TMEM132D: variants seen among roughly 807,000 people sequenced by gnomAD.
TMEM132D encodes transmembrane protein 132D.
Under a neutral mutation model 62.3 loss-of-function variants are expected in TMEM132D, and 21 were observed. The ratio of observed to expected loss-of-function variants is 0.34; its 90% confidence interval spans 0.24 to 0.49. The LOEUF (loss-of-function observed/expected upper bound fraction) is 0.49. Among genes scored for constraint, TMEM132D ranks in the 20% least tolerant of loss-of-function variants. The pLI is 0.99. For synonymous variants in TMEM132D, 621 were observed against 575.6 expected (o/e 1.08, Z -1.13); for missense variants, 1,346 against 1,402.8 (o/e 0.96, Z 0.65).
At chr12:129,321,549 A>G (rs1344114918) in intron 4 of TMEM132D, among the ~76,000 whole-genome samples, 1 of 151,820 alleles carries the variant, frequency 6.6e-6, no homozygotes, top group South Asian at 2.1e-4. Context: ...CCATGGCATG[A>G]GGCAGATCTT....
chr12:129,347,818 A>G (rs1168569966), intron 3 of TMEM132D, among the ~76,000 whole-genome samples: 1 of 152,220 alleles, frequency 6.6e-6, no homozygotes, highest in African/African-American at 2.4e-5. Context: ...CCATCTGACA[A>G]AGGTCTAATA....
chr12:129,509,006 C>T (rs575678143), intron 3 of TMEM132D, among the ~76,000 whole-genome samples: 5 of 152,090 alleles, frequency 3.3e-5, no homozygotes, highest in Admixed American at 2.6e-4. Context: ...ATCTGAAGAC[C>T]TGATCTGGCC....
chr12:129,354,967 C>T (rs1869993320), intron 3 of TMEM132D, among the ~76,000 whole-genome samples: 1 of 152,200 alleles, frequency 6.6e-6, no homozygotes, highest in African/African-American at 2.4e-5. Flanking sequence ...GCAGAGCTTA[C>T]CTGAGACCCA....
Position 129,073,744 on chromosome 12 carries a change from T to G in TMEM132D, c.*131A>C. 1.2e-6 allele frequency: 1 copy of G among 828,036 alleles called. No individual in the cohort carries two copies. The allele number at this position is 828,036 out of a possible 1,614,324, so 51.3% of individuals were successfully genotyped here. ...TCGCCGCCGAGCCGGGGTCATTGGC[T>G]GAGGCTGTATGGATAGTGTCATCCT... On this transcript the variant is annotated 3_prime_UTR_variant, in exon 9 of 9. Transcript: ENST00000422113.
intron 2 of TMEM132D, among the ~76,000 whole-genome samples, chr12:129,541,996 A>G (rs1876596391): frequency 6.6e-6 from 1 of 152,192 alleles, no homozygotes; most frequent in African/African-American, 2.4e-5. Context: ...AAAAGAAACA[A>G]AGCATAATCC....
intron 1 of TMEM132D, among the ~76,000 whole-genome samples, chr12:129,822,440 C>T (rs1192315057): frequency 2.0e-5 from 3 of 152,160 alleles, no homozygotes; most frequent in Admixed American, 2.0e-4. Context: ...AGGGTCCCTC[C>T]CCAGGGAGTC....
intron 3 of TMEM132D, among the ~76,000 whole-genome samples, chr12:129,479,551 C>G (rs1005787704): frequency 6.6e-6 from 1 of 152,130 alleles, no homozygotes; most frequent in African/African-American, 2.4e-5. Context: ...TGATAAAAAC[C>G]AATGCCTGTC....
chr12:129,580,054 C>G (rs1877798760), intron 2 of TMEM132D, among the ~76,000 whole-genome samples: 1 of 152,020 alleles, frequency 6.6e-6, no homozygotes, highest in South Asian at 2.1e-4. Flanking sequence ...GCTACTTGGC[C>G]CATGGTACTT....
intron 5 of TMEM132D, among the ~76,000 whole-genome samples, chr12:129,183,864 G>A (rs963068109): frequency 6.6e-6 from 1 of 152,072 alleles, no homozygotes; most frequent in African/African-American, 2.4e-5. Context: ...ATAGGGGCAT[G>A]GACGATTCTT....
intron 2 of TMEM132D, among the ~76,000 whole-genome samples, chr12:129,618,676 A>G (rs1878984180): frequency 6.6e-6 from 1 of 152,238 alleles, no homozygotes; most frequent in African/African-American, 2.4e-5. Context: ...TAAAATGCAC[A>G]TCTATGTACA....
At chr12:129,636,737 T>TGTGTGTGTGTGTGTGTGTGTGTGA (rs375868329) in intron 2 of TMEM132D, among the ~76,000 whole-genome samples, 2 of 113,560 alleles carry the variant, frequency 1.8e-5, no homozygotes, top group East Asian at 2.9e-4. Flanking sequence ...TGTGTGTGTG[T>TGTGTGTGTGTGTGTGTGTGTGTGA]GAGAGAGAGA....
In TMEM132D at chr12:129,249,078, C is replaced by T. The variant is rs536604331; in HGVS notation, c.1300-39415G>A. On this transcript the variant is annotated intron_variant, in intron 4 of 8. Coordinates refer to ENST00000422113, the MANE Select transcript of TMEM132D (RefSeq NM_133448.3). The stretch of plus-strand genomic sequence containing the variant: ...CTTAAAATTTCTTTTCAGGTGATGT[C>T]GGTGATCAGAGGAACTATCTCATCC... Among the ~76,000 whole-genome samples the T allele has an allele frequency of 2.2e-4, 33 of 152,156 alleles. No homozygotes were observed. The South Asian group carries it at 6.0e-3, about 28-fold the overall frequency.
At chr12:129,354,779 G>T (rs148131511) in intron 3 of TMEM132D, among the ~76,000 whole-genome samples, 1 of 152,282 alleles carries the variant, frequency 6.6e-6, no homozygotes, top group Non-Finnish European at 1.5e-5. Flanking sequence ...CATTTGTCCA[G>T]GGTTACCCAG....
intron 2 of TMEM132D, among the ~76,000 whole-genome samples, chr12:129,548,629 C>A (rs984407587): frequency 5.9e-5 from 9 of 152,150 alleles, no homozygotes; most frequent in East Asian, 5.8e-4. Flanking sequence ...CACAGAAGAG[C>A]CTGCTGAAAC....
chr12:129,777,178 G>C (rs969297364), intron 1 of TMEM132D, among the ~76,000 whole-genome samples: 3 of 152,196 alleles, frequency 2.0e-5, no homozygotes, highest in African/African-American at 4.8e-5. Flanking sequence ...AATAGGAAGA[G>C]TGGTGATTCA....
chr12:129,790,288 G>A (rs1871367014), intron 1 of TMEM132D, among the ~76,000 whole-genome samples: 1 of 152,232 alleles, frequency 6.6e-6, no homozygotes. Context: ...TAACAGCTCA[G>A]TGAAGGGTCA....
rs2135611303 is a variant in TMEM132D at position 129,078,638 on chromosome 12, G to T, written c.2011C>A (p.Gln671Lys). 1 of 1,614,196 alleles carries T rather than the reference G, an allele frequency of 6.2e-7. No homozygotes were observed. Among genetic ancestry groups the T allele is most frequent in the African/African-American group, 1.3e-5 (1 of 75,052 alleles). Residue 671 changes from glutamine (Q) to lysine (K), a missense_variant, in exon 8 of 9, where the codon CAG becomes AAG. By Grantham distance (53) the Gln-to-Lys change is moderately conservative. Coordinates refer to ENST00000422113, the MANE Select transcript of TMEM132D (RefSeq NM_133448.3). ...EKVTITDLGV[Q>K]LVTGLSLSLQ... is the part of the protein sequence containing the mutation. ...GAGAGTGACAGCCCTGTCACCAGCT[G>T]CACCCCGAGGTCTGTGATGGTCACC...
chr12:129,169,022 T>C (rs545075158), intron 5 of TMEM132D, among the ~76,000 whole-genome samples: 5 of 152,314 alleles, frequency 3.3e-5, no homozygotes, highest in Admixed American at 6.5e-5. Flanking sequence ...CTTTCAAATA[T>C]ACCTTTGCTG....
At chr12:129,717,917 G>A (rs752150969) in intron 1 of TMEM132D, among the ~76,000 whole-genome samples, 2 of 152,102 alleles carry the variant, frequency 1.3e-5, no homozygotes, top group Admixed American at 6.5e-5. Flanking sequence ...TCTACATTCC[G>A]GTCAGTGAGC....
Sources: gnomAD v4.1 joint callset for allele counts (sites outside exome capture counted in the v4.1 genomes callset) on GRCh38, gnomAD v4.1.1 for gene constraint, MANE v1.5 for transcripts, NCBI Gene and HGNC (gene_info 2026-07-23, HGNC 2026-07-21) for gene names.